SKAP2: variants seen among roughly 807,000 people sequenced by gnomAD.
SKAP2 encodes src kinase associated phosphoprotein 2.
In SKAP2, 28 loss-of-function variants were observed where a neutral mutation model predicts 54.9. The ratio of observed to expected loss-of-function variants is 0.51; its 90% CI spans 0.38 to 0.70. The LOEUF (loss-of-function observed/expected upper bound fraction) is 0.70, where lower values mean the gene tolerates loss of function less well. Among genes scored for constraint, SKAP2 ranks in the 30% least tolerant of loss-of-function variants. The pLI is 0.00. For synonymous variants in SKAP2, 137 were observed against 134.3 expected, an observed-to-expected ratio of 1.02 and a Z score of -0.14; for missense variants, 356 against 424.1, an observed-to-expected ratio of 0.84 and a Z score of 1.41.
At chr7:26,720,559 T>C (rs1787557062) in intron 9 of SKAP2, among the ~76,000 whole-genome samples, 1 of 152,200 alleles carries the variant, frequency 6.6e-6, no homozygotes. Context: ...TGTATTAGTC[T>C]GTTCTGACTC....
Position 26,847,780 on chromosome 7 carries a change from T to C in SKAP2, c.200-3643A>G, listed in dbSNP as rs777419091. On this transcript the variant is annotated intron_variant, in intron 3 of 12. Coordinates refer to ENST00000345317, the MANE Select transcript of SKAP2 (RefSeq NM_003930.5). ...CTCATTTCTGTGGTCATAAAATTAATGATCAGTTTAAAAATACTTCTTTGT... is the reference window on the plus strand; with the variant it reads ...CTCATTTCTGTGGTCATAAAATTAACGATCAGTTTAAAAATACTTCTTTGT... Among the ~76,000 whole-genome samples, 8 of 152,200 alleles carry C rather than the reference T, an allele frequency of 5.3e-5. 1 individual carries two copies. The highest frequency in any genetic ancestry group is 1.5e-5 in the Non-Finnish European group (1 of 68,022).
At chr7:26,722,538 C>A (rs960112723) in intron 9 of SKAP2, among the ~76,000 whole-genome samples, 16 of 151,598 alleles carry the variant, frequency 1.1e-4, no homozygotes, top group African/African-American at 3.9e-4. Flanking sequence ...ATTACAGGCA[C>A]CTGCCACCAT....
At chr7:26,765,321 G>GT (rs199865011) in intron 4 of SKAP2, among the ~76,000 whole-genome samples, 373 of 150,744 alleles carry the variant, frequency 2.5e-3, no homozygotes, top group African/African-American at 4.7e-3. Flanking sequence ...ACTTTTTGAT[G>GT]TTTTTTTTTC....
intron 4 of SKAP2, among the ~76,000 whole-genome samples, chr7:26,753,234 T>C (rs1002362377): frequency 1.3e-5 from 2 of 152,172 alleles, no homozygotes; most frequent in African/African-American, 4.8e-5. Context: ...CAGGCTAAAA[T>C]AGTGTGTCAC....
rs955449881 is a variant in SKAP2, at chr7:26,669,314, C to T, written c.*352G>A. On this transcript the variant is annotated 3_prime_UTR_variant, in exon 13 of 13. Coordinates refer to ENST00000345317, the MANE Select transcript of SKAP2 (RefSeq NM_003930.5). ...CCAATGATTAAGAAACATTACAAAT[C>T]ACACCAGAAGTAGCAATAGTAGCAT... 3.3e-5 allele frequency: 5 copies of T among 152,090 alleles called. No individual in the cohort carries two copies. Among genetic ancestry groups the T allele is most frequent in the African/African-American group, 9.7e-5 (4 of 41,430 alleles). The allele number at this position is 152,090 out of a possible 1,614,324, so 9.4% of individuals were successfully genotyped here.
In SKAP2 at chr7:26,739,921, A is replaced by C; in HGVS notation, c.351T>G (p.Val117=). Residue 117 remains valine, a synonymous_variant, in exon 5 of 13, where the codon GTT becomes GTG. Coordinates refer to ENST00000345317, the MANE Select transcript of SKAP2 (RefSeq NM_003930.5). Reference sequence around the variant, plus strand: ...GTTTTTCAAGGTAGCCAGCCTTTAGAACAAAAGGAAGGTCTTGTGCTGCAA... The same window carrying C: ...GTTTTTCAAGGTAGCCAGCCTTTAGCACAAAAGGAAGGTCTTGTGCTGCAA... ...PPIAAQDLPF[V]LKAGYLEKRR... 1 of 1,612,302 alleles carries C rather than the reference A, an allele frequency of 6.2e-7. No homozygotes were observed. Among genetic ancestry groups the C allele is most frequent in the Non-Finnish European group, 8.5e-7 (1 of 1,179,380 alleles).
At position 26,833,239 on chromosome 7, in the gene SKAP2, A is replaced by C. The variant is rs376285902; in HGVS notation, c.307+10791T>G. On this transcript the variant is annotated intron_variant, in intron 4 of 12. Coordinates refer to ENST00000345317, the MANE Select transcript of SKAP2 (RefSeq NM_003930.5). Reference sequence around the variant, plus strand: ...GAAACCCATCTCTACTAAAAACACAAAAAAAAATTAGCCAGGAGTGGTGGC... The same window carrying C: ...GAAACCCATCTCTACTAAAAACACACAAAAAAATTAGCCAGGAGTGGTGGC... 3.6e-3 allele frequency among the ~76,000 whole-genome samples: 552 copies of C among 151,260 alleles called. 7 individuals carry two copies. The highest frequency in any genetic ancestry group is 0.012 in the African/African-American group (516 of 41,308).
chr7:26,834,580 A>C (rs1784666496), intron 4 of SKAP2, among the ~76,000 whole-genome samples: 1 of 152,220 alleles, frequency 6.6e-6, no homozygotes, highest in African/African-American at 2.4e-5. Flanking sequence ...TATGCAAATA[A>C]ACTAGAAAAT....
At chr7:26,853,286 C>T (rs1186188411) in intron 3 of SKAP2, among the ~76,000 whole-genome samples, 1 of 152,142 alleles carries the variant, frequency 6.6e-6, no homozygotes, top group Non-Finnish European at 1.5e-5. Flanking sequence ...TACTGTGTGT[C>T]TTCCTCAAAC....
At chr7:26,656,301 T>C in the SKAP2 span, among the ~76,000 whole-genome samples, 14 of 152,208 alleles carry the variant, frequency 9.2e-5, no homozygotes, top group African/African-American at 3.4e-4. Context: ...ATACAGGACT[T>C]TTCTGCATCC....
At chr7:26,677,997 T>C (rs762216784) in intron 11 of SKAP2, among the ~76,000 whole-genome samples, 10 of 152,214 alleles carry the variant, frequency 6.6e-5, no homozygotes, top group Non-Finnish European at 4.4e-5. Context: ...CACTTAACCG[T>C]AGCAAAGTAG....
chr7:26,764,265 A>G (rs1278036323), intron 4 of SKAP2, among the ~76,000 whole-genome samples: 2 of 152,146 alleles, frequency 1.3e-5, no homozygotes, highest in Admixed American at 1.3e-4. Flanking sequence ...AGTACCTAGT[A>G]GTGCATATAT....
intron 4 of SKAP2, among the ~76,000 whole-genome samples, chr7:26,768,903 T>C (rs2127974064): frequency 6.6e-6 from 1 of 152,332 alleles, no homozygotes; most frequent in South Asian, 2.1e-4. Flanking sequence ...TTCCTTCATT[T>C]CAACCTTGGT....
At chr7:26,861,707 A>C (rs184668070) in intron 1 of SKAP2, among the ~76,000 whole-genome samples, 1 of 150,576 alleles carries the variant, frequency 6.6e-6, no homozygotes, top group Non-Finnish European at 1.5e-5. Flanking sequence ...AAAGTATAGC[A>C]TAGAACTGCC....
At chr7:26,685,278 C>A (rs912649008) in intron 10 of SKAP2, among the ~76,000 whole-genome samples, 1 of 151,772 alleles carries the variant, frequency 6.6e-6, no homozygotes, top group African/African-American at 2.4e-5. Flanking sequence ...ATTTGGGACA[C>A]TTCATGAAAA....
At chr7:26,792,771 T>C (rs886546458) in intron 4 of SKAP2, among the ~76,000 whole-genome samples, 2 of 152,210 alleles carry the variant, frequency 1.3e-5, no homozygotes, top group African/African-American at 2.4e-5. Context: ...GTCTTTTCAA[T>C]CTGAGCTAAT....
intron 10 of SKAP2, among the ~76,000 whole-genome samples, chr7:26,689,493 T>C (rs1786732047): frequency 6.6e-6 from 1 of 152,140 alleles, no homozygotes; most frequent in Non-Finnish European, 1.5e-5. Context: ...GTGTGTGCAA[T>C]TATTTTTCCA....
chr7:26,837,980 T>C (rs1784748868), intron 4 of SKAP2, among the ~76,000 whole-genome samples: 1 of 152,236 alleles, frequency 6.6e-6, no homozygotes, highest in African/African-American at 2.4e-5. Context: ...CTATATGCCA[T>C]TGGGCATATC....
chr7:26,834,794 G>C (rs1484904089), intron 4 of SKAP2, among the ~76,000 whole-genome samples: 1 of 152,130 alleles, frequency 6.6e-6, no homozygotes, highest in Non-Finnish European at 1.5e-5. Context: ...CATTCCTTCT[G>C]AAACTATTCC....
Sources: allele counts gnomAD v4.1 joint callset (sites outside exome capture counted in the v4.1 genomes callset), GRCh38; gene constraint gnomAD v4.1.1; transcripts MANE v1.5; gene names NCBI Gene and HGNC (gene_info 2026-07-23, HGNC 2026-07-21).